NCR3LG1: variants seen among roughly 807,000 people sequenced by gnomAD.
The protein encoded by NCR3LG1 is natural cytotoxicity triggering receptor 3 ligand 1.
NCR3LG1 carries 35 observed loss-of-function variants against 34.8 expected under a neutral mutation model. That is an observed-to-expected ratio of 1.01 (90% CI 0.77 to 1.33). The LOEUF is 1.33. NCR3LG1 is among the 40% of genes most tolerant of loss of function. The pLI, the probability that NCR3LG1 is intolerant of heterozygous loss-of-function variation, is 0.00. For missense variants in NCR3LG1, 452 were observed against 423.3 expected (o/e 1.07, Z -0.60); for synonymous variants, 173 against 163.6 (o/e 1.06, Z -0.44).
At chr11:17,355,840 C>T (rs933092381) in intron 1 of NCR3LG1, among the ~76,000 whole-genome samples, 5 of 152,126 alleles carry the variant, frequency 3.3e-5, no homozygotes, top group Admixed American at 6.5e-5. Flanking sequence ...CTCTGTCACT[C>T]GGGCTAGAGT....
chr11:17,353,234 T>C (rs1233028406), intron 1 of NCR3LG1, among the ~76,000 whole-genome samples: 1 of 152,232 alleles, frequency 6.6e-6, no homozygotes, highest in South Asian at 2.1e-4. Context: ...AAAAATTACA[T>C]GTTAAACACC....
intron 1 of NCR3LG1, among the ~76,000 whole-genome samples, chr11:17,354,866 CTT>C (rs896757302): frequency 2.0e-5 from 3 of 152,042 alleles, no homozygotes; most frequent in African/African-American, 4.8e-5. Flanking sequence ...ATTTTGAAAA[CTT>C]TATTTAGATA....
rs1953424877 is a variant in NCR3LG1, at chr11:17,372,601, C to T, written c.*89C>T. On this transcript the variant is annotated 3_prime_UTR_variant, in exon 5 of 5. Transcript: ENST00000338965. The stretch of plus-strand genomic sequence containing the variant: ...ATAAGAGGGGACCTGGGCAAGTTCT[C>T]TGATGACCTGATAGATATATAGAGG... 1 of 610,724 alleles carries T rather than the reference C, an allele frequency of 1.6e-6. No homozygotes were observed. The highest frequency in any genetic ancestry group is 2.9e-6 in the Non-Finnish European group (1 of 343,296). 37.8% of individuals were successfully genotyped at this position (610,724 alleles called of 1,614,324 possible). A position where few individuals can be genotyped will look rare whatever the true frequency, so the allele number is the denominator to read the frequency against.
chr11:17,355,529 T>C (rs1413771600), intron 1 of NCR3LG1, among the ~76,000 whole-genome samples: 1 of 152,180 alleles, frequency 6.6e-6, no homozygotes, highest in Admixed American at 6.5e-5. Flanking sequence ...TGTAAAATAT[T>C]GCTGAAAGAA....
intron 1 of NCR3LG1, 93 bp from the exon 2 acceptor site, chr11:17,356,558 A>G (rs2133341456): frequency 1.1e-6 from 1 of 917,746 alleles, no homozygotes; most frequent in African/African-American, 1.7e-5. Context: ...CTCCATATGA[A>G]TTTTGGAGGA....
rs928338669 is a variant in NCR3LG1, at chr11:17,372,401, G to T, written c.1254G>T (p.Pro418=). ...QTPREHSDAV[P]DAPILPVSPI... ...CTAGGGAACACTCGGATGCAGTTCCGGATGCCCCAATCCTTCCTGTCTCCC... is the reference window on the plus strand; with the variant it reads ...CTAGGGAACACTCGGATGCAGTTCCTGATGCCCCAATCCTTCCTGTCTCCC... The change falls in exon 5 of 5, where the codon CCG becomes CCT. Residue 418 remains proline (P), a synonymous_variant. Coordinates refer to ENST00000338965, the MANE Select transcript of NCR3LG1 (RefSeq NM_001202439.3). The T allele has an allele frequency of 1.4e-6, 1 of 703,138 alleles. No homozygotes were observed. The highest frequency in any genetic ancestry group is 2.6e-6 in the Non-Finnish European group (1 of 385,032). The allele number at this position is 703,138 out of a possible 1,614,324, so 43.6% of individuals were successfully genotyped here. A position where few individuals can be genotyped will look rare whatever the true frequency, so the allele number is the denominator to read the frequency against.
At chr11:17,354,203 T>C in intron 1 of NCR3LG1, among the ~76,000 whole-genome samples, 1 of 152,240 alleles carries the variant, frequency 6.6e-6, no homozygotes, top group Admixed American at 6.5e-5. Context: ...TCTATGTAGG[T>C]TATACCACTA....
At chr11:17,365,047 T>C (rs1366915746) in intron 2 of NCR3LG1, among the ~76,000 whole-genome samples, 1 of 152,250 alleles carries the variant, frequency 6.6e-6, no homozygotes, top group Non-Finnish European at 1.5e-5. Context: ...TAAAATTCCC[T>C]ATATGATAAT....
intron 2 of NCR3LG1, 141 bp from the exon 3 acceptor site, chr11:17,366,868 C>T: frequency 1.6e-6 from 1 of 622,522 alleles, no homozygotes; most frequent in South Asian, 2.0e-5. Flanking sequence ...AAAGAGTAGG[C>T]ATCCTGTGTT....
intron 1 of NCR3LG1, among the ~76,000 whole-genome samples, chr11:17,352,271 C>T (rs1301918496): frequency 1.3e-5 from 2 of 150,980 alleles, no homozygotes; most frequent in Non-Finnish European, 2.9e-5. Flanking sequence ...AGCTCCGCCT[C>T]CCAGGTTCAC....
intron 2 of NCR3LG1, among the ~76,000 whole-genome samples, chr11:17,363,275 G>C (rs1270793714): frequency 1.3e-5 from 2 of 151,744 alleles, no homozygotes; most frequent in Non-Finnish European, 2.9e-5. Flanking sequence ...ATTGGTGAAA[G>C]GTTTGTCTGA....
intron 2 of NCR3LG1, among the ~76,000 whole-genome samples, chr11:17,362,695 T>TTC (rs1953285943): frequency 5.7e-3 from 22 of 3,836 alleles, no homozygotes; most frequent in East Asian, 8.5e-3. Context: ...TTCCTTCCTT[T>TTC]CTTTCTTTCT....
At chr11:17,353,800 C>A (rs562738988) in intron 1 of NCR3LG1, among the ~76,000 whole-genome samples, 2 of 152,220 alleles carry the variant, frequency 1.3e-5, no homozygotes, top group Admixed American at 1.3e-4. Context: ...AGGGTCGGAC[C>A]CCAGAACCAG....
chr11:17,370,020 C>T (rs985218111), intron 4 of NCR3LG1, among the ~76,000 whole-genome samples: 4 of 152,316 alleles, frequency 2.6e-5, no homozygotes, highest in Non-Finnish European at 5.9e-5. Flanking sequence ...ACACAGGAGA[C>T]TTGCCTAGAC....
At chr11:17,355,974 A>T (rs963699954) in intron 1 of NCR3LG1, among the ~76,000 whole-genome samples, 4 of 151,216 alleles carry the variant, frequency 2.6e-5, no homozygotes, top group Admixed American at 1.3e-4. Context: ...ATTTATTTTT[A>T]TTTTTTTGTA....
intron 2 of NCR3LG1, among the ~76,000 whole-genome samples, chr11:17,360,215 G>T (rs1953255357): frequency 6.6e-6 from 1 of 152,140 alleles, no homozygotes; most frequent in Non-Finnish European, 1.5e-5. Context: ...TGTTCAGATT[G>T]TTTGCCTATT....
At chr11:17,366,900 G>T (rs1953349591) in intron 2 of NCR3LG1, 109 bp from the exon 3 acceptor site, 3 of 729,716 alleles carry the variant, frequency 4.1e-6, no homozygotes, top group Admixed American at 2.8e-5. Context: ...CTGGCTACAG[G>T]AGCAGTGATG....
intron 1 of NCR3LG1, among the ~76,000 whole-genome samples, chr11:17,355,408 A>ATAAG (rs1953193088): frequency 7.3e-6 from 1 of 137,822 alleles, no homozygotes; most frequent in African/African-American, 3.3e-5. Context: ...AAATAAATAA[A>ATAAG]TAGGAAAACA....
In NCR3LG1 at chr11:17,368,938, TTAA is replaced by T. The variant is rs1164640187; in HGVS notation, c.834_836del (p.Leu278_Ile279delinsPhe). ...ATTCATTGGTGTTGGACTGGTTTTA[TTAA>T]TTGTTTTGATTCCTTGGAAAAAGGT... On this transcript the variant is annotated inframe_deletion, in exon 4 of 5. Coordinates refer to ENST00000338965, the MANE Select transcript of NCR3LG1 (RefSeq NM_001202439.3). 98 of 1,534,258 alleles carry T rather than the reference TTAA, an allele frequency of 6.4e-5. 1 individual carries two copies. Among genetic ancestry groups the T allele is most frequent in the Non-Finnish European group, 8.0e-5 (92 of 1,145,352 alleles).
Sources: allele counts gnomAD v4.1 joint callset (sites outside exome capture counted in the v4.1 genomes callset), GRCh38; gene constraint gnomAD v4.1.1; transcripts MANE v1.5; gene names NCBI Gene and HGNC (gene_info 2026-07-23, HGNC 2026-07-21).